The following CSMD1 variants were observed in gnomAD, a reference collection of about 807,000 sequenced individuals.
CSMD1 encodes CUB and Sushi multiple domains 1, also known as CUB and sushi domain-containing protein 1.
A neutral mutation model predicts 417.5 loss-of-function variants in CSMD1; 213 were observed. That is an observed-to-expected ratio of 0.51 (90% CI 0.46 to 0.57). The LOEUF (loss-of-function observed/expected upper bound fraction) is 0.57, where lower values mean the gene tolerates loss of function less well. CSMD1 is among the 20% of genes least tolerant of loss of function. The pLI, the probability that CSMD1 is intolerant of heterozygous loss-of-function variation, is 0.00. For synonymous variants in CSMD1, 2,862 were observed against 1,736.8 expected (o/e 1.65, Z -16.11); for missense variants, 6,923 against 4,529.7 (o/e 1.53, Z -15.17).
intron 2 of CSMD1, among the ~76,000 whole-genome samples, chr8:4,430,517 G>C (rs921858831): frequency 6.6e-6 from 1 of 152,074 alleles, no homozygotes; most frequent in Non-Finnish European, 1.5e-5. Context: ...TTCCTCCTAA[G>C]AAATTACACT....
chr8:3,856,805 C>G (rs189074668), intron 5 of CSMD1, among the ~76,000 whole-genome samples: 249 of 152,218 alleles, frequency 1.6e-3, no homozygotes, highest in African/African-American at 5.8e-3. Flanking sequence ...ACAGGCTACT[C>G]CCTCAGGCTG....
intron 12 of CSMD1, among the ~76,000 whole-genome samples, chr8:3,455,147 T>C (rs1043387033): frequency 2.0e-5 from 3 of 152,224 alleles, no homozygotes; most frequent in Admixed American, 1.3e-4. Flanking sequence ...TCTCCTGCCA[T>C]GGTTTTCAGT....
chr8:4,033,387 A>G (rs1013445443), intron 3 of CSMD1, among the ~76,000 whole-genome samples: 1 of 152,190 alleles, frequency 6.6e-6, no homozygotes, highest in African/African-American at 2.4e-5. Context: ...GCTTGCGGTG[A>G]GCCGAGATCG....
At chr8:4,694,089 G>C (rs1391649561) in intron 1 of CSMD1, among the ~76,000 whole-genome samples, 1 of 152,148 alleles carries the variant, frequency 6.6e-6, no homozygotes, top group Non-Finnish European at 1.5e-5. Context: ...AAAAAAGACA[G>C]CTTCTAAGAT....
At chr8:4,440,130 C>G (rs1191619063) in intron 2 of CSMD1, among the ~76,000 whole-genome samples, 1 of 152,100 alleles carries the variant, frequency 6.6e-6, no homozygotes, top group Admixed American at 6.5e-5. Context: ...TAAAGTGCAG[C>G]TTTGGTGTAA....
intron 2 of CSMD1, among the ~76,000 whole-genome samples, chr8:4,437,184 T>G (rs752943158): frequency 2.0e-5 from 3 of 152,222 alleles, no homozygotes; most frequent in Non-Finnish European, 4.4e-5. Flanking sequence ...AGCAAAACTT[T>G]GTTGTCTCAA....
chr8:4,486,240 TATATACATAC>T (rs1801405217), intron 2 of CSMD1, among the ~76,000 whole-genome samples: 1 of 45,424 alleles, frequency 2.2e-5, no homozygotes, highest in African/African-American at 1.3e-4. Flanking sequence ...CATATATATA[TATATACATAC>T]ATATATATAT....
chr8:4,429,437 G>C lies in CSMD1; in HGVS notation c.303-9372C>G, dbSNP rs367982628. Among the ~76,000 whole-genome samples, 57 of 152,206 alleles carry C rather than the reference G, an allele frequency of 3.7e-4. 1 individual carries two copies. Among genetic ancestry groups the C allele is most frequent in the African/African-American group, 1.4e-3 (57 of 41,536 alleles). On this transcript the variant is annotated intron_variant, in intron 2 of 69. Transcript: ENST00000635120. ...GCATCCTCCTTTCACACAATGTTTT[G>C]TGAACAGTGGCTCAGTTTGGTTCTT...
intron 37 of CSMD1, among the ~76,000 whole-genome samples, chr8:3,178,124 G>C (rs534092447): frequency 8.5e-5 from 13 of 152,162 alleles, no homozygotes; most frequent in African/African-American, 3.1e-4. Context: ...AGATCCCTGA[G>C]ACTGTAGATC....
At chr8:4,683,182 C>G (rs943919095) in intron 1 of CSMD1, among the ~76,000 whole-genome samples, 2 of 151,652 alleles carry the variant, frequency 1.3e-5, no homozygotes, top group African/African-American at 4.8e-5. Context: ...TTTACTTATT[C>G]TAAGGGTAAT....
intron 1 of CSMD1, among the ~76,000 whole-genome samples, chr8:4,653,714 A>T (rs920253928): frequency 4.6e-5 from 7 of 152,126 alleles, no homozygotes; most frequent in African/African-American, 1.7e-4. Flanking sequence ...AATGGCAGAA[A>T]AGGAAATGTT....
chr8:4,898,532 T>C (rs1244581165), intron 1 of CSMD1, among the ~76,000 whole-genome samples: 1 of 152,232 alleles, frequency 6.6e-6, no homozygotes, highest in Non-Finnish European at 1.5e-5. Context: ...AACAGGTCTT[T>C]ATGCCTCTGT....
chr8:2,954,156 T>A (rs967883677), intron 65 of CSMD1, 68 bp downstream of exon 65: 12 of 766,028 alleles, frequency 1.6e-5, no homozygotes, highest in Non-Finnish European at 2.4e-5. Context: ...GAAAATAGTT[T>A]CACTGTGCAG....
chr8:4,484,211 A>T (rs1016491480), intron 2 of CSMD1, among the ~76,000 whole-genome samples: 1 of 152,088 alleles, frequency 6.6e-6, no homozygotes, highest in Non-Finnish European at 1.5e-5. Flanking sequence ...AAAAAAAAAA[A>T]AAAAACCTTG....
intron 8 of CSMD1, among the ~76,000 whole-genome samples, chr8:3,597,352 A>C (rs1801143355): frequency 6.6e-6 from 1 of 151,080 alleles, no homozygotes. Flanking sequence ...AATTTCCCTC[A>C]CTCTCGCTTC....
intron 5 of CSMD1, among the ~76,000 whole-genome samples, chr8:3,981,775 C>T (rs536890783): frequency 1.3e-5 from 2 of 152,168 alleles, no homozygotes; most frequent in African/African-American, 2.4e-5. Context: ...AGGCTGTGCG[C>T]TTCACAAAGT....
intron 5 of CSMD1, among the ~76,000 whole-genome samples, chr8:3,973,764 G>T (rs1289828449): frequency 6.6e-6 from 1 of 152,168 alleles, no homozygotes; most frequent in Non-Finnish European, 1.5e-5. Flanking sequence ...ACCAACCAGT[G>T]TTTCATTATT....
intron 10 of CSMD1, among the ~76,000 whole-genome samples, chr8:3,534,995 T>C (rs2117530303): frequency 6.6e-6 from 1 of 152,344 alleles, no homozygotes; most frequent in Non-Finnish European, 1.5e-5. Context: ...TCGCCCAGGC[T>C]GGAGTGCAGT....
At chr8:4,506,073 A>T (rs987572082) in intron 2 of CSMD1, among the ~76,000 whole-genome samples, 2 of 152,152 alleles carry the variant, frequency 1.3e-5, no homozygotes, top group Non-Finnish European at 2.9e-5. Flanking sequence ...ATCAAAAGCC[A>T]TTCGAATAAC....
Sources: allele counts gnomAD v4.1 joint callset (sites outside exome capture counted in the v4.1 genomes callset), GRCh38; gene constraint gnomAD v4.1.1; transcripts MANE v1.5; gene names NCBI Gene and HGNC (gene_info 2026-07-23, HGNC 2026-07-21).